Variants in RIMBP2 observed in about 807,000 individuals in gnomAD.
RIMBP2 encodes RIMS-binding protein 2.
In RIMBP2, 48 loss-of-function variants were observed where a neutral mutation model predicts 118.6. The observed-to-expected ratio is 0.40, with a 90% CI of 0.32 to 0.51. The LOEUF is 0.51. Among genes scored for constraint, RIMBP2 ranks in the 20% least tolerant of loss-of-function variants. RIMBP2 has a pLI of 0.41. For missense variants in RIMBP2, 1,551 were observed against 1,768.3 expected, an observed-to-expected ratio of 0.88 and a Z score of 2.20; for synonymous variants, 762 against 742.9, an observed-to-expected ratio of 1.03 and a Z score of -0.42.
chr12:130,646,253 A>AC, intron 1 of RIMBP2, among the ~76,000 whole-genome samples: 1 of 67,258 alleles, frequency 1.5e-5, no homozygotes. Context: ...CTCCCTCACC[A>AC]CTTCCCTCTC....
Position 130,640,724 on chromosome 12 carries a change from C to T in RIMBP2, c.-351-12268G>A, listed in dbSNP as rs118052409. 9.9e-3 allele frequency among the ~76,000 whole-genome samples: 1,507 copies of T among 152,298 alleles called. 20 individuals are homozygous for T. The highest frequency in any genetic ancestry group is 0.071 in the South Asian group (341 of 4,826). ...GAAAGACAAGGCGTGGGGATTTGGA[C>T]GTCGGCATCTGGCCCCAGGGACCGC... On this transcript the variant is annotated intron_variant, in intron 1 of 22. Transcript: ENST00000690449.
intron 1 of RIMBP2, among the ~76,000 whole-genome samples, chr12:130,667,073 GA>G (rs2063965301): frequency 9.0e-5 from 6 of 66,974 alleles, no homozygotes; most frequent in African/African-American, 2.2e-4. Flanking sequence ...AGAAGGGAGG[GA>G]GGAAAAAATG....
intron 4 of RIMBP2, among the ~76,000 whole-genome samples, chr12:130,496,823 A>G (rs1593529762): frequency 6.6e-6 from 1 of 151,984 alleles, no homozygotes; most frequent in Admixed American, 6.6e-5. Flanking sequence ...GAGGAGTGGG[A>G]CCCTCAAGTT....
intron 2 of RIMBP2, among the ~76,000 whole-genome samples, chr12:130,573,664 G>A (rs2057869818): frequency 6.6e-6 from 1 of 152,284 alleles, no homozygotes; most frequent in African/African-American, 2.4e-5. Flanking sequence ...TGATGGCTGT[G>A]TCTGGTCCTC....
chr12:130,412,741 C>T lies in RIMBP2; in HGVS notation c.3467G>A (p.Cys1156Tyr). Residue 1156 changes from cysteine to tyrosine, a missense_variant, in exon 19 of 23, where the codon TGT (cysteine) becomes TAT (tyrosine). Physicochemically the swap from Cys to Tyr is radical, Grantham distance 194 (BLOSUM62 -2). Around this residue, in one of 5 missense-constraint regions of RIMBP2, gnomAD observed 1,038 missense variants for 1,125.1 expected, o/e 0.92. Coordinates refer to ENST00000690449, the MANE Select transcript of RIMBP2 (RefSeq NM_001393629.1). The stretch of plus-strand genomic sequence containing the variant: ...ACAAGGAATAAGGCCAAGCCGGGCA[C>T]AGGTTTCCCCACGGTAGAATCCATC... ...DADGFYRGETCARLGLIPCNM... is the reference protein window; with the variant it reads ...DADGFYRGETYARLGLIPCNM... 1 of 1,613,974 alleles carries T rather than the reference C, an allele frequency of 6.2e-7. No individual in the cohort carries two copies. The highest frequency in any genetic ancestry group is 8.5e-7 in the Non-Finnish European group (1 of 1,179,994).
chr12:130,597,775 A>C (rs1232087034), intron 2 of RIMBP2, among the ~76,000 whole-genome samples: 1 of 152,248 alleles, frequency 6.6e-6, no homozygotes, highest in South Asian at 2.1e-4. Flanking sequence ...AAATACTTGC[A>C]ATTAACAACC....
At chr12:130,693,807 A>C (rs2065446949) in intron 1 of RIMBP2, among the ~76,000 whole-genome samples, 1 of 152,202 alleles carries the variant, frequency 6.6e-6, no homozygotes, top group Non-Finnish European at 1.5e-5. Flanking sequence ...CGGATGATTC[A>C]GCTGTCACTT....
At chr12:130,561,954 T>A (rs552310535) in intron 2 of RIMBP2, among the ~76,000 whole-genome samples, 3 of 152,270 alleles carry the variant, frequency 2.0e-5, no homozygotes, top group Admixed American at 6.5e-5. Flanking sequence ...ATATGTTCAC[T>A]GTCAAAAAAT....
chr12:130,559,596 C>T (rs1222070489), intron 2 of RIMBP2, among the ~76,000 whole-genome samples: 1 of 152,130 alleles, frequency 6.6e-6, no homozygotes, highest in Non-Finnish European at 1.5e-5. Flanking sequence ...TACACCTTGG[C>T]GATGGGGAAC....
At chr12:130,664,203 C>T (rs2063771870) in intron 1 of RIMBP2, among the ~76,000 whole-genome samples, 1 of 151,474 alleles carries the variant, frequency 6.6e-6, no homozygotes, top group African/African-American at 2.4e-5. Flanking sequence ...TGTATGTTGC[C>T]TAAAATAGAA....
In RIMBP2 at chr12:130,422,339, T is replaced by A; in HGVS notation, c.3238+114A>T. The A allele has an allele frequency of 1.6e-6, 1 of 614,498 alleles. No homozygotes were observed. Among genetic ancestry groups the A allele is most frequent in the Non-Finnish European group, 2.9e-6 (1 of 345,848 alleles). The allele number at this position is 614,498 out of a possible 1,614,324, so 38.1% of individuals were successfully genotyped here. A position where few individuals can be genotyped will look rare whatever the true frequency, so the allele number is the denominator to read the frequency against. ...GCCTTCTTTTTGCCATGAATAACAG[T>A]GTTCTTTGCTTAGCGGAAAATGCTA... On this transcript the variant is annotated intron_variant, in intron 17 of 22. Transcript: ENST00000690449. This position sits in a 1 kb window ranked among gnomAD's most constrained non-coding sequence, Gnocchi z 5.2.
intron 2 of RIMBP2, among the ~76,000 whole-genome samples, chr12:130,568,079 G>A (rs1339454080): frequency 1.3e-5 from 2 of 152,194 alleles, no homozygotes; most frequent in Non-Finnish European, 2.9e-5. Context: ...CTAACATCAG[G>A]TGTCCCTCCA....
intron 2 of RIMBP2, among the ~76,000 whole-genome samples, chr12:130,584,728 A>ACAACCATTACATCATCACTATCG: frequency 6.6e-6 from 1 of 152,228 alleles, no homozygotes. Context: ...CATCACTATC[A>ACAACCATTACATCATCACTATCG]CAACCATTAC....
intron 4 of RIMBP2, among the ~76,000 whole-genome samples, chr12:130,486,600 C>A (rs1017004572): frequency 6.6e-6 from 1 of 151,970 alleles, no homozygotes; most frequent in South Asian, 2.1e-4. Context: ...CCAAGCTGTG[C>A]CATCTCGGCC....
chr12:130,647,893 G>A (rs1030000749), intron 1 of RIMBP2, among the ~76,000 whole-genome samples: 2 of 142,102 alleles, frequency 1.4e-5, no homozygotes, highest in African/African-American at 2.5e-5. Context: ...CCCGCTAGAC[G>A]CCCTGCACTA....
chr12:130,576,900 G>A lies in RIMBP2; in HGVS notation c.-217+51422C>T, dbSNP rs1277569157. Among the ~76,000 whole-genome samples the A allele has an allele frequency of 1.3e-5, 2 of 152,170 alleles. No homozygotes were observed. Among genetic ancestry groups the A allele is most frequent in the Non-Finnish European group, 2.9e-5 (2 of 68,036 alleles). On this transcript the variant is annotated intron_variant, in intron 2 of 22. Coordinates refer to ENST00000690449, the MANE Select transcript of RIMBP2 (RefSeq NM_001393629.1). This position sits in a 1 kb window ranked among gnomAD's most constrained non-coding sequence, Gnocchi z 4.2. ...AGAGACCGACAGTGTGGCAGGAGTC[G>A]CGGGGTGGAACAGGAACTTCTGGAC...
intron 11 of RIMBP2, among the ~76,000 whole-genome samples, 163 bp from the exon 12 acceptor site, chr12:130,438,679 G>T (rs2077742631): frequency 6.6e-6 from 1 of 152,180 alleles, no homozygotes; most frequent in Non-Finnish European, 1.5e-5. Context: ...GTGGTGAGGT[G>T]GGAGGGTGGG....
chr12:130,468,428 C>T (rs143325083), intron 6 of RIMBP2, among the ~76,000 whole-genome samples: 1,841 of 152,242 alleles, frequency 0.012, 35 homozygotes, highest in African/African-American at 0.042. Context: ...AGCTCCTGGG[C>T]GCTGCTGCTG....
intron 22 of RIMBP2, 72 bp from the exon 23 acceptor site, chr12:130,397,621 C>T: frequency 2.5e-6 from 1 of 397,976 alleles, no homozygotes; most frequent in East Asian, 3.6e-5. Flanking sequence ...TAACATCGTA[C>T]TGTCCCCGTT....
Sources: allele counts gnomAD v4.1 joint callset (sites outside exome capture counted in the v4.1 genomes callset), GRCh38; gene constraint gnomAD v4.1.1; regional missense constraint gnomAD v4.1.1; non-coding constraint Gnocchi (gnomAD v3.1); transcripts MANE v1.5; gene names NCBI Gene and HGNC (gene_info 2026-07-23, HGNC 2026-07-21).